Variants in CHN2 observed in about 807,000 individuals in gnomAD.
The protein encoded by CHN2 is chimerin 2.
CHN2 carries 35 observed loss-of-function variants against 56.3 expected under a neutral mutation model. That is an observed-to-expected ratio of 0.62 (90% CI 0.47 to 0.82). The LOEUF (loss-of-function observed/expected upper bound fraction) is 0.82. Among genes scored for constraint, CHN2 ranks in the 40% least tolerant of loss-of-function variants. The pLI, the probability that CHN2 is intolerant of heterozygous loss-of-function variation, is 0.00. For synonymous variants in CHN2, 210 were observed against 212.8 expected (o/e 0.99, Z 0.12); for missense variants, 491 against 580.5 (o/e 0.85, Z 1.58).
intron 6 of CHN2, among the ~76,000 whole-genome samples, chr7:29,439,091 C>T (rs139548799): frequency 1.1e-4 from 16 of 152,306 alleles, no homozygotes; most frequent in African/African-American, 3.6e-4. Context: ...TGAGAGTCTG[C>T]TGTATACCAG....
chr7:29,369,288 T>C (rs570840945), intron 3 of CHN2, among the ~76,000 whole-genome samples: 73 of 152,210 alleles, frequency 4.8e-4, no homozygotes, highest in African/African-American at 1.7e-3. Flanking sequence ...GAAAAAAAAC[T>C]TTGTAAAATT....
chr7:29,335,331 TCA>T (rs1434488171), intron 1 of CHN2, among the ~76,000 whole-genome samples: 12 of 152,324 alleles, frequency 7.9e-5, no homozygotes, highest in African/African-American at 2.9e-4. Flanking sequence ...TGCTGGAGGC[TCA>T]GTCTCTTGAT....
At chr7:29,225,705 A>G (rs112368233) in intron 1 of CHN2, among the ~76,000 whole-genome samples, 214 of 152,304 alleles carry the variant, frequency 1.4e-3, no homozygotes, top group Non-Finnish European at 2.4e-3. Context: ...TGAAGGTGCA[A>G]GGAGACTGGA....
At position 29,233,002 on chromosome 7, in the gene CHN2, C is replaced by T. The variant is rs545117099; in HGVS notation, c.49+38012C>T. 2.8e-4 allele frequency among the ~76,000 whole-genome samples: 42 copies of T among 152,166 alleles called. 1 individual carries two copies. The South Asian group carries it at 6.8e-3, about 25-fold the overall frequency. ...AGCTTGAAAATTTACATTATTTCAA[C>T]GATTTATATTACTTTTGTTTACTTA... On this transcript the variant is annotated intron_variant, in intron 1 of 12. Coordinates refer to ENST00000222792, the MANE Select transcript of CHN2 (RefSeq NM_004067.4).
At chr7:29,342,298 G>A (rs904904297) in intron 1 of CHN2, among the ~76,000 whole-genome samples, 1 of 152,172 alleles carries the variant, frequency 6.6e-6, no homozygotes, top group Non-Finnish European at 1.5e-5. Context: ...GATAATGTAT[G>A]GAAGGGGACT....
At chr7:29,324,249 C>G (rs1195176466) in intron 1 of CHN2, among the ~76,000 whole-genome samples, 2 of 152,184 alleles carry the variant, frequency 1.3e-5, no homozygotes, top group African/African-American at 4.8e-5. Context: ...CTTACAACTT[C>G]TGGAATCATG....
intron 6 of CHN2, among the ~76,000 whole-genome samples, chr7:29,422,162 T>C (rs1243553309): frequency 6.6e-6 from 1 of 152,198 alleles, no homozygotes; most frequent in East Asian, 1.9e-4. Flanking sequence ...TGACTTTCTC[T>C]TCCGGGTCAA....
intron 1 of CHN2, among the ~76,000 whole-genome samples, chr7:29,340,399 T>G (rs1585102619): frequency 7.0e-6 from 1 of 143,110 alleles, no homozygotes; most frequent in Non-Finnish European, 1.5e-5. Flanking sequence ...GGGGGTTGCT[T>G]GGGGGGGGGC....
At chr7:29,252,752 C>T (rs1051301176) in intron 1 of CHN2, among the ~76,000 whole-genome samples, 8 of 124,808 alleles carry the variant, frequency 6.4e-5, no homozygotes, top group Non-Finnish European at 1.1e-4. Flanking sequence ...CCCGCCACCG[C>T]GCCCGGCTAA....
chr7:29,205,808 C>T (rs1784479508), intron 1 of CHN2, among the ~76,000 whole-genome samples: 2 of 151,998 alleles, frequency 1.3e-5, no homozygotes, highest in South Asian at 4.1e-4. Context: ...AGGAATGGTT[C>T]TTTATTATGT....
In CHN2 at chr7:29,204,057, T is replaced by TTCTC. The variant is rs201492481; in HGVS notation, c.49+9075_49+9078dup. On this transcript the variant is annotated intron_variant, in intron 1 of 12. Coordinates refer to ENST00000222792, the MANE Select transcript of CHN2 (RefSeq NM_004067.4). ...AGCTGAGGAAACAAAGCACACGTTT[T>TTCTC]TCTCTCTCTCTGTGTGTGTGTGTGT... is the stretch of plus-strand genomic sequence containing the variant. 6.4e-5 allele frequency among the ~76,000 whole-genome samples: 8 copies of TTCTC among 125,794 alleles called. No individual in the cohort carries two copies. In the East Asian group the frequency reaches 1.6e-3, roughly 24 times the overall value. 82.5% of individuals were successfully genotyped at this position (125,794 alleles called of 152,430 possible). A position where few individuals can be genotyped will look rare whatever the true frequency, so the allele number is the denominator to read the frequency against.
chr7:29,419,581 A>C (rs905150274), intron 6 of CHN2, among the ~76,000 whole-genome samples: 16 of 152,336 alleles, frequency 1.1e-4, no homozygotes, highest in African/African-American at 2.9e-4. Context: ...CAAATCATAT[A>C]TCTAATAAGG....
chr7:29,412,372 T>A (rs1196612007), intron 6 of CHN2, among the ~76,000 whole-genome samples: 1 of 145,742 alleles, frequency 6.9e-6, no homozygotes, highest in African/African-American at 2.6e-5. Flanking sequence ...TCCCTCTGTT[T>A]CCAGGCTGGA....
chr7:29,379,675 A>G (rs966107209), intron 3 of CHN2, among the ~76,000 whole-genome samples: 1 of 152,208 alleles, frequency 6.6e-6, no homozygotes, highest in Non-Finnish European at 1.5e-5. Flanking sequence ...AAGAAGAAAA[A>G]ATGAAGACTG....
intron 1 of CHN2, among the ~76,000 whole-genome samples, chr7:29,252,577 T>TGCATCTTATAGAGAGTGAGATTTCA (rs1457369284): frequency 3.1e-5 from 2 of 64,558 alleles, no homozygotes; most frequent in African/African-American, 3.0e-4. Flanking sequence ...TTGCATTCTT[T>TGCATCTTATAGAGAGTGAGATTTCA]GTTTTTTTTT....
At chr7:29,390,118 C>A (rs1801246649) in intron 3 of CHN2, among the ~76,000 whole-genome samples, 1 of 151,954 alleles carries the variant, frequency 6.6e-6, no homozygotes, top group South Asian at 2.1e-4. Flanking sequence ...GTGAAACCCT[C>A]TGTGCCTTGG....
intron 2 of CHN2, among the ~76,000 whole-genome samples, chr7:29,158,229 T>G (rs995188551): frequency 6.6e-6 from 1 of 152,202 alleles, no homozygotes; most frequent in Non-Finnish European, 1.5e-5. Context: ...AAGGACTATC[T>G]TCCTTCAGTG....
chr7:29,198,412 C>T (rs1157364351), intron 1 of CHN2, among the ~76,000 whole-genome samples: 1 of 152,114 alleles, frequency 6.6e-6, no homozygotes, highest in African/African-American at 2.4e-5. Context: ...TCTATGGTAC[C>T]AACTGAGACA....
chr7:29,364,744 A>G (rs938006843), intron 2 of CHN2, among the ~76,000 whole-genome samples: 2 of 152,212 alleles, frequency 1.3e-5, no homozygotes, highest in South Asian at 4.1e-4. Flanking sequence ...TATCTCTTAT[A>G]GCTTTTTCTT....
Sources: gnomAD v4.1 joint callset for allele counts (sites outside exome capture counted in the v4.1 genomes callset) on GRCh38, gnomAD v4.1.1 for gene constraint, MANE v1.5 for transcripts, NCBI Gene and HGNC (gene_info 2026-07-23, HGNC 2026-07-21) for gene names.